RNF123: variants seen among roughly 807,000 people sequenced by gnomAD.
The protein encoded by RNF123 is E3 ubiquitin-protein ligase RNF123.
RNF123 carries 86 observed loss-of-function variants against 168.5 expected under a neutral mutation model. The ratio of observed to expected loss-of-function variants is 0.51; its 90% CI spans 0.43 to 0.61. The LOEUF (loss-of-function observed/expected upper bound fraction) is 0.61, where lower values mean the gene tolerates loss of function less well. Among genes scored for constraint, RNF123 ranks in the 20% least tolerant of loss-of-function variants. The pLI is 0.00. For missense variants in RNF123, 1,419 were observed against 1,729.7 expected (o/e 0.82, Z 3.19); for synonymous variants, 666 against 689.1 (o/e 0.97, Z 0.52).
At chr3:49,700,752 C>A in intron 15 of RNF123, 43 bp downstream of exon 15, 1 of 1,599,926 alleles carries the variant, frequency 6.3e-7, no homozygotes, top group South Asian at 1.1e-5. Flanking sequence ...ATGGGGTGCC[C>A]TCTGGACTCA....
At chr3:49,715,421 G>C in intron 31 of RNF123, 154 bp from the exon 32 acceptor site, 2 of 871,860 alleles carry the variant, frequency 2.3e-6, no homozygotes, top group Non-Finnish European at 3.5e-6. Flanking sequence ...CTCCAAGGCA[G>C]CTGTCCTCTG....
chr3:49,720,532 G>A lies in RNF123; in HGVS notation c.3522G>A (p.Val1174=), dbSNP rs370032522. 1.2e-6 allele frequency: 2 copies of A among 1,603,168 alleles called. No homozygotes were observed. The highest frequency in any genetic ancestry group is 1.7e-6 in the Non-Finnish European group (2 of 1,173,634). ...CTAGGAGAGAGCAAGCCACATCAGT[G>A]CTCCTGGCAGATCCCTGCTTCCAGC... The part of the protein sequence containing the change: ...PASEREQATS[V]LLADPCFQLR... Residue 1174 remains valine (V), a synonymous_variant, in exon 36 of 39, where the codon GTG becomes GTA. Transcript: ENST00000327697.
rs746387724 is a variant in RNF123, at chr3:49,699,105, G to A, written c.764G>A (p.Arg255His). Residue 255 changes from arginine (R) to histidine (H), a missense_variant and splice_region_variant, in exon 10 of 39, where the codon CGC becomes CAC. This residue lies in a region of RNF123 where 318 missense variants were observed against 446.6 expected (regional missense o/e 0.71). Transcript: ENST00000327697. This position sits in a 1 kb window ranked among gnomAD's most constrained non-coding sequence, Gnocchi z 4.8. ...TTCAACTTTGGCAGCCGTCCTCTGC[G>A]ATATCATTTTGTGAAGATGGCTGTG... ...VAFNFGSRPL[R>H]YPVAGYRPLQ... 14 of 1,612,924 alleles carry A rather than the reference G, an allele frequency of 8.7e-6. No individual in the cohort carries two copies. In the South Asian group the frequency reaches 8.8e-5, roughly 10 times the overall value.
intron 26 of RNF123, among the ~76,000 whole-genome samples, chr3:49,711,360 C>T (rs1463726434): frequency 6.6e-6 from 1 of 152,162 alleles, no homozygotes; most frequent in Admixed American, 6.5e-5. Context: ...CCTTCATCTC[C>T]CTCCAGCACA....
intron 26 of RNF123, among the ~76,000 whole-genome samples, chr3:49,711,398 C>G (rs894906721): frequency 6.6e-6 from 1 of 152,184 alleles, no homozygotes; most frequent in African/African-American, 2.4e-5. Context: ...GAAATAGTCT[C>G]ACCAGGGTCT....
rs746321350 is a variant in RNF123, at chr3:49,719,354, A to C, written c.3501-1157A>C. Reference sequence around the variant, plus strand: ...CTTAGCAGGTCGGCAGCGCAGATACATTTGTAGGGGCAGTTGTGGAGCGCA... The same window carrying C: ...CTTAGCAGGTCGGCAGCGCAGATACCTTTGTAGGGGCAGTTGTGGAGCGCA... On this transcript the variant is annotated intron_variant, in intron 35 of 38. Transcript: ENST00000327697. 92 of 1,613,366 alleles carry C rather than the reference A, an allele frequency of 5.7e-5. No individual in the cohort carries two copies. The highest frequency in any genetic ancestry group is 1.7e-4 in the Middle Eastern group (1 of 5,844).
In RNF123 at chr3:49,691,413, C is replaced by T; in HGVS notation, c.83-12C>T. ...CATGTGGCCCTTTTCTCCCTTCTGACTTGTGGCTCAGGCATTGTGCAGGAG... is the reference window on the plus strand; with the variant it reads ...CATGTGGCCCTTTTCTCCCTTCTGATTTGTGGCTCAGGCATTGTGCAGGAG... On this transcript the variant is annotated splice_polypyrimidine_tract_variant and intron_variant, in intron 2 of 38. Transcript: ENST00000327697. 1.2e-6 allele frequency: 2 copies of T among 1,614,112 alleles called. No homozygotes were observed. The highest frequency in any genetic ancestry group is 1.7e-5 in the Admixed American group (1 of 60,016).
Position 49,698,142 on chromosome 3 carries a change from A to C in RNF123, c.483+5A>C. On this transcript the variant is annotated splice_donor_5th_base_variant and intron_variant, in intron 7 of 38. Coordinates refer to ENST00000327697, the MANE Select transcript of RNF123 (RefSeq NM_022064.5). ...AGCTGCCGCTTCAACCAGGAGGTACACGTTGGGGAGGGGACCCCTCCCTGG... is the reference window on the plus strand; with the variant it reads ...AGCTGCCGCTTCAACCAGGAGGTACCCGTTGGGGAGGGGACCCCTCCCTGG... The C allele has an allele frequency of 6.2e-7, 1 of 1,612,964 alleles. No homozygotes were observed. Among genetic ancestry groups the C allele is most frequent in the Non-Finnish European group, 8.5e-7 (1 of 1,179,380 alleles).
At chr3:49,689,749 G>A (rs2054074943) in intron 1 of RNF123, 143 bp downstream of exon 1, 1 of 152,496 alleles carries the variant, frequency 6.6e-6, no homozygotes, top group South Asian at 2.1e-4. Context: ...CAGGTCCTGT[G>A]GAGCTTGGGG....
intron 3 of RNF123, among the ~76,000 whole-genome samples, chr3:49,693,549 G>A (rs147517381): frequency 6.6e-6 from 1 of 151,746 alleles, no homozygotes; most frequent in African/African-American, 2.4e-5. Flanking sequence ...TAGAGATGGG[G>A]TTTCGCCATG....
intron 15 of RNF123, among the ~76,000 whole-genome samples, chr3:49,701,013 G>T (rs2054371889): frequency 6.6e-6 from 1 of 152,262 alleles, no homozygotes; most frequent in African/African-American, 2.4e-5. Flanking sequence ...CCACAGTGGG[G>T]ATTCCTGCAA....
rs559736828 is a variant in RNF123, at chr3:49,715,565, C to G, written c.3011-10C>G. 7.4e-6 allele frequency: 12 copies of G among 1,613,710 alleles called. No individual in the cohort carries two copies. Among genetic ancestry groups the G allele is most frequent in the Non-Finnish European group, 1.0e-5 (12 of 1,179,858 alleles). ...AGTCCCTGATGATGCCGCCTCCTGT[C>G]CCCCTGCAGAGCCCTGCCCTTCCAC... is the stretch of plus-strand genomic sequence containing the variant. On this transcript the variant is annotated splice_polypyrimidine_tract_variant and intron_variant, in intron 31 of 38. Transcript: ENST00000327697.
intron 21 of RNF123, among the ~76,000 whole-genome samples, chr3:49,704,136 G>A (rs895979901): frequency 2.6e-5 from 4 of 152,172 alleles, no homozygotes; most frequent in East Asian, 1.9e-4. Flanking sequence ...TGGACACAGC[G>A]CGTTTAGCGG....
chr3:49,705,421 G>A (rs1045635179), intron 23 of RNF123, 113 bp from the exon 24 acceptor site: 5 of 1,457,754 alleles, frequency 3.4e-6, no homozygotes, highest in East Asian at 2.3e-5. Flanking sequence ...GGCTCCCCGC[G>A]GGTCCCTCCT....
chr3:49,720,417 G>A lies in RNF123; in HGVS notation c.3501-94G>A, dbSNP rs181013266. 220 of 1,307,864 alleles carry A rather than the reference G, an allele frequency of 1.7e-4. No homozygotes were observed. The African/African-American group carries it at 3.0e-3, about 18-fold the overall frequency. The allele number at this position is 1,307,864 out of a possible 1,614,324, so 81.0% of individuals were successfully genotyped here. On this transcript the variant is annotated intron_variant, in intron 35 of 38. Coordinates refer to ENST00000327697, the MANE Select transcript of RNF123 (RefSeq NM_022064.5). The stretch of plus-strand genomic sequence containing the variant: ...GAAAGGATGCAGGGGGGGTGATCAT[G>A]TACGAGCCATGGCACTCCTCATTGG...
At chr3:49,713,286 C>T in intron 27 of RNF123, 1 of 598,756 alleles carries the variant, frequency 1.7e-6, no homozygotes, top group Non-Finnish European at 3.0e-6. Flanking sequence ...GAGCCCAGGT[C>T]AGGGCTCCTG....
At chr3:49,692,397 A>T (rs1179973560) in intron 3 of RNF123, among the ~76,000 whole-genome samples, 1 of 152,216 alleles carries the variant, frequency 6.6e-6, no homozygotes, top group African/African-American at 2.4e-5. Context: ...GGTACATGAG[A>T]TACTTTGATA....
intron 23 of RNF123, 102 bp from the exon 24 acceptor site, chr3:49,705,423 GTCCCTCCTT>G: frequency 1.4e-6 from 2 of 1,468,492 alleles, no homozygotes; most frequent in South Asian, 2.8e-5. Flanking sequence ...CTCCCCGCGG[GTCCCTCCTT>G]GGGCACAGGA....
At chr3:49,690,221 C>T (rs1355764580) in intron 1 of RNF123, among the ~76,000 whole-genome samples, 1 of 152,228 alleles carries the variant, frequency 6.6e-6, no homozygotes, top group Non-Finnish European at 1.5e-5. Context: ...CCTGCGCTGT[C>T]TAATAGAACT....
Sources: allele counts gnomAD v4.1 joint callset (sites outside exome capture counted in the v4.1 genomes callset), GRCh38; gene constraint gnomAD v4.1.1; regional missense constraint gnomAD v4.1.1; non-coding constraint Gnocchi (gnomAD v3.1); transcripts MANE v1.5; gene names NCBI Gene and HGNC (gene_info 2026-07-23, HGNC 2026-07-21).